DNAJB7: variants seen among roughly 807,000 people sequenced by gnomAD.
DNAJB7 encodes the protein dnaJ homolog subfamily B member 7.
Under a neutral mutation model 1.2 loss-of-function variants are expected in DNAJB7, and 1 was observed. The ratio of observed to expected loss-of-function variants is 0.84; its 90% CI spans 0.30 to 4.01. DNAJB7 has a LOEUF of 4.01. Among genes scored for constraint, DNAJB7 ranks in the 30% most tolerant of loss-of-function variants. The pLI, the probability that DNAJB7 is intolerant of heterozygous loss-of-function variation, is 0.18. For synonymous variants in DNAJB7, 128 were observed against 127.7 expected (o/e 1.00, Z -0.01); for missense variants, 420 against 358.5 (o/e 1.17, Z -1.39).
the DNAJB7 span, chr22:40,861,110 CT>C: frequency 5.0e-6 from 8 of 1,610,518 alleles, no homozygotes; most frequent in Admixed American, 1.7e-5. Context: ...CTTTACGCTT[CT>C]TTTTTTTCCT....
rs1183119154 is a variant in DNAJB7 at position 40,860,524 on chromosome 22, T to G, written c.*541A>C. The G allele has an allele frequency of 2.9e-6, 2 of 685,304 alleles. No homozygotes were observed. The highest frequency in any genetic ancestry group is 4.3e-6 in the Non-Finnish European group (2 of 468,872). 42.5% of individuals were successfully genotyped at this position (685,304 alleles called of 1,614,324 possible). A position where few individuals can be genotyped will look rare whatever the true frequency, so the allele number is the denominator to read the frequency against. On this transcript the variant is annotated 3_prime_UTR_variant, in exon 1 of 1. Coordinates refer to ENST00000307221, the MANE Select transcript of DNAJB7 (RefSeq NM_145174.2). ...GTCTGAACCTGTGTGTCTTGATACA[T>G]TCTTGTCTTCTAATGCTATGCATGT...
chr22:40,862,056 A>T lies in DNAJB7; in HGVS notation c.-62T>A, dbSNP rs2057953281. The T allele has an allele frequency of 3.5e-5, 53 of 1,529,328 alleles. 1 individual carries two copies. In the South Asian group the frequency reaches 6.8e-4, roughly 20 times the overall value. The allele number at this position is 1,529,328 out of a possible 1,614,324, so 94.7% of individuals were successfully genotyped here. On this transcript the variant is annotated 5_prime_UTR_variant, in exon 1 of 1. Transcript: ENST00000307221. ...TTGAGAACCGTGGTTTCCTCAGCTC[A>T]GGCTCTGCTGGTGGTGGTGATAGAG...
In DNAJB7 at chr22:40,860,030, T is replaced by C. The variant is rs971987099; in HGVS notation, c.*1035A>G. 1.3e-5 allele frequency: 2 copies of C among 152,184 alleles called. No homozygotes were observed. Among genetic ancestry groups the C allele is most frequent in the Non-Finnish European group, 2.9e-5 (2 of 68,028 alleles). 9.4% of individuals were successfully genotyped at this position (152,184 alleles called of 1,614,324 possible). On this transcript the variant is annotated 3_prime_UTR_variant, in exon 1 of 1. Transcript: ENST00000307221. The stretch of plus-strand genomic sequence containing the variant: ...AGACTGGCCTTTAAAAAAAATGTGG[T>C]AAAATATACTACATAAAATTTACCA...
Position 40,861,847 on chromosome 22 carries a change from C to G in DNAJB7, c.148G>C (p.Ala50Pro). 1 of 1,613,900 alleles carries G rather than the reference C, an allele frequency of 6.2e-7. No homozygotes were observed. The highest frequency in any genetic ancestry group is 8.5e-7 in the Non-Finnish European group (1 of 1,180,012). Reference protein sequence around the residue: ...EEAERKFKEVAEAYEVLSNDE... With the variant: ...EEAERKFKEVPEAYEVLSNDE... ...TTTGATAATACCTCGTATGCCTCAG[C>G]TACTTCTTTGAATTTTCTCTCTGCT... is the stretch of plus-strand genomic sequence containing the variant. The change falls in exon 1 of 1, where the codon GCT becomes CCT. Residue 50 changes from alanine to proline, a missense_variant. Physicochemically the swap from Ala to Pro is conservative, Grantham distance 27 (BLOSUM62 -1). Transcript: ENST00000307221.
chr22:40,860,843 A>T lies in DNAJB7; in HGVS notation c.*222T>A. 3.1e-6 allele frequency: 2 copies of T among 642,780 alleles called. No homozygotes were observed. The highest frequency in any genetic ancestry group is 3.3e-5 in the Admixed American group (1 of 30,108). The allele number at this position is 642,780 out of a possible 1,614,324, so 39.8% of individuals were successfully genotyped here. ...TTTTTAAATTTTTTGTAGAGAAAAG[A>T]TCTCACTATACTGCCCAGGCAAATT... On this transcript the variant is annotated 3_prime_UTR_variant, in exon 1 of 1. Coordinates refer to ENST00000307221, the MANE Select transcript of DNAJB7 (RefSeq NM_145174.2).
In DNAJB7 at chr22:40,862,075, G is replaced by T. The variant is rs1476882089; in HGVS notation, c.-81C>A. ...CAGCTCAGGCTCTGCTGGTGGTGGT[G>T]ATAGAGGTAGTGACTGCAAATAGGT... On this transcript the variant is annotated 5_prime_UTR_variant, in exon 1 of 1. Transcript: ENST00000307221. 2.0e-6 allele frequency: 3 copies of T among 1,521,198 alleles called. No homozygotes were observed. In the East Asian group the frequency reaches 6.8e-5, roughly 34 times the overall value. The allele number at this position is 1,521,198 out of a possible 1,614,324, so 94.2% of individuals were successfully genotyped here. A position where few individuals can be genotyped will look rare whatever the true frequency, so the allele number is the denominator to read the frequency against.
rs1409335117 is a variant in DNAJB7 at position 40,862,061 on chromosome 22, C to G, written c.-67G>C. 6.6e-7 allele frequency: 1 copy of G among 1,526,352 alleles called. No homozygotes were observed. The highest frequency in any genetic ancestry group is 8.7e-7 in the Non-Finnish European group (1 of 1,144,680). 94.6% of individuals were successfully genotyped at this position (1,526,352 alleles called of 1,614,324 possible). ...AACCGTGGTTTCCTCAGCTCAGGCT[C>G]TGCTGGTGGTGGTGATAGAGGTAGT... is the stretch of plus-strand genomic sequence containing the variant. On this transcript the variant is annotated 5_prime_UTR_variant, in exon 1 of 1. Transcript: ENST00000307221.
rs1032901659 is a variant in DNAJB7 at position 40,859,677 on chromosome 22, G to A, written c.*1388C>T. 26 of 151,990 alleles carry A rather than the reference G, an allele frequency of 1.7e-4. No homozygotes were observed. The highest frequency in any genetic ancestry group is 6.3e-4 in the African/African-American group (26 of 41,364). The allele number at this position is 151,990 out of a possible 1,614,324, so 9.4% of individuals were successfully genotyped here. ...ATCTGCCCACTAAAAATCAAATACC[G>A]ATACAAAACACAAGCTCTTGACTAT... On this transcript the variant is annotated 3_prime_UTR_variant, in exon 1 of 1. Transcript: ENST00000307221.
Position 40,860,613 on chromosome 22 carries a change from G to C in DNAJB7, c.*452C>G. 2 of 1,265,506 alleles carry C rather than the reference G, an allele frequency of 1.6e-6. No individual in the cohort carries two copies. The highest frequency in any genetic ancestry group is 2.1e-6 in the Non-Finnish European group (2 of 948,866). 78.4% of individuals were successfully genotyped at this position (1,265,506 alleles called of 1,614,324 possible). On this transcript the variant is annotated 3_prime_UTR_variant, in exon 1 of 1. Transcript: ENST00000307221. The stretch of plus-strand genomic sequence containing the variant: ...AAAATAGGCTATAAACTCTACTAAA[G>C]AAAAATTCAAAAGTAAAAAACTCAT...
In DNAJB7 at chr22:40,860,772, T is replaced by A; in HGVS notation, c.*293A>T. The A allele has an allele frequency of 4.2e-6, 3 of 706,646 alleles. No homozygotes were observed. The highest frequency in any genetic ancestry group is 6.8e-6 in the Non-Finnish European group (3 of 440,324). 43.8% of individuals were successfully genotyped at this position (706,646 alleles called of 1,614,324 possible). ...GGCTCAAGCAGTCTTTCTACCAGCT[T>A]CCCGAGTAGCTGGGACTACAGGTGC... On this transcript the variant is annotated 3_prime_UTR_variant, in exon 1 of 1. Transcript: ENST00000307221.
Position 40,860,708 on chromosome 22 carries a change from A to G in DNAJB7, c.*357T>C, listed in dbSNP as rs115161413. The G allele has an allele frequency of 1.1e-3, 1,115 of 1,042,602 alleles. 5 individuals carry two copies. The African/African-American group carries it at 0.015, about 14-fold the overall frequency. The allele number at this position is 1,042,602 out of a possible 1,614,324, so 64.6% of individuals were successfully genotyped here. On this transcript the variant is annotated 3_prime_UTR_variant, in exon 1 of 1. Coordinates refer to ENST00000307221, the MANE Select transcript of DNAJB7 (RefSeq NM_145174.2). Reference sequence around the variant, plus strand: ...TACTTTGTCACCCAAGCTGGAGTGCAGTGGCGTGATCCCATTACACTGCAA... The same window carrying G: ...TACTTTGTCACCCAAGCTGGAGTGCGGTGGCGTGATCCCATTACACTGCAA...
chr22:40,861,046 A>T lies in DNAJB7; in HGVS notation c.*19T>A. On this transcript the variant is annotated 3_prime_UTR_variant, in exon 1 of 1. Transcript: ENST00000307221. ...ACACACACAATTGTGTTCAAATGTT[A>T]TATATTTGAAGAGTCAATTTAACAA... is the stretch of plus-strand genomic sequence containing the variant. The T allele has an allele frequency of 1.3e-6, 2 of 1,553,538 alleles. No individual in the cohort carries two copies. The highest frequency in any genetic ancestry group is 1.7e-6 in the Non-Finnish European group (2 of 1,152,402).
In DNAJB7 at chr22:40,861,494, G is replaced by A; in HGVS notation, c.501C>T (p.Gly167=). 1.2e-6 allele frequency: 2 copies of A among 1,614,090 alleles called. No homozygotes were observed. Among genetic ancestry groups the A allele is most frequent in the South Asian group, 1.1e-5 (1 of 91,084 alleles). ...YTSQGSLGHE[G]LTSFSSLAFD... ...AAGCCAGGGAAGAGAAAGAAGTAAG[G>A]CCTTCATGCCCCAATGAACCCTGTG... Residue 167 remains glycine (G), a synonymous_variant, in exon 1 of 1, where the codon GGC becomes GGT. Coordinates refer to ENST00000307221, the MANE Select transcript of DNAJB7 (RefSeq NM_145174.2).
chr22:40,861,474 A>G lies in DNAJB7; in HGVS notation c.521T>C (p.Leu174Pro). 6.2e-7 allele frequency: 1 copy of G among 1,614,210 alleles called. No individual in the cohort carries two copies. Among genetic ancestry groups the G allele is most frequent in the Non-Finnish European group, 8.5e-7 (1 of 1,180,028 alleles). ...GHEGLTSFSS[L>P]AFDNSGMDNY... The stretch of plus-strand genomic sequence containing the variant: ...GTCCATCCCACTATTATCAAAAGCC[A>G]GGGAAGAGAAAGAAGTAAGGCCTTC... The change falls in exon 1 of 1, where the codon CTG becomes CCG. Residue 174 changes from leucine to proline, a missense_variant. By Grantham distance (98) the Leu-to-Pro change is moderately conservative. Transcript: ENST00000307221.
rs1199165088 is a variant in DNAJB7, at chr22:40,862,109, A to G, written c.-115T>C. 11 of 1,498,720 alleles carry G rather than the reference A, an allele frequency of 7.3e-6. No homozygotes were observed. In the African/African-American group the frequency reaches 1.5e-4, roughly 21 times the overall value. The allele number at this position is 1,498,720 out of a possible 1,614,324, so 92.8% of individuals were successfully genotyped here. A position where few individuals can be genotyped will look rare whatever the true frequency, so the allele number is the denominator to read the frequency against. ...AGTGACTGCAAATAGGTACACTTTT[A>G]TGTTAAAGACAATGTTATTACCATG... On this transcript the variant is annotated 5_prime_UTR_variant, in exon 1 of 1. Transcript: ENST00000307221.
chr22:40,860,466 T>C lies in DNAJB7; in HGVS notation c.*599A>G. 1 of 400,800 alleles carries C rather than the reference T, an allele frequency of 2.5e-6. No individual in the cohort carries two copies. The highest frequency in any genetic ancestry group is 4.3e-6 in the Non-Finnish European group (1 of 232,678). The allele number at this position is 400,800 out of a possible 1,614,324, so 24.8% of individuals were successfully genotyped here. On this transcript the variant is annotated 3_prime_UTR_variant, in exon 1 of 1. Transcript: ENST00000307221. ...TAATGCATCAAATGCTGTTCCTCCA[T>C]TGGAAAACAGCCATTTCATGAATAA...
At chr22:40,861,514 CCT>C in the DNAJB7 span, 104 of 1,614,074 alleles carry the variant, frequency 6.4e-5, 1 homozygote, top group African/African-American at 1.2e-3. Context: ...CCCAATGAAC[CCT>C]GTGATGTATA....
rs112058522 is a variant in DNAJB7, at chr22:40,861,582, A to G, written c.413T>C (p.Phe138Ser). Residue 138 changes from phenylalanine to serine, a missense_variant, in exon 1 of 1, where the codon TTC becomes TCC. By Grantham distance (155) the Phe-to-Ser change is radical (BLOSUM62 -2). Transcript: ENST00000307221. ...GNRNRDAGYFFSTASEYPIFE... is the reference protein window; with the variant it reads ...GNRNRDAGYFSSTASEYPIFE... ...AATTGGATATTCACTGGCAGTGGAG[A>G]AAAAGTATCCTGCATCTCTGTTTCT... The G allele has an allele frequency of 2.5e-6, 4 of 1,613,262 alleles. No homozygotes were observed. Among genetic ancestry groups the G allele is most frequent in the African/African-American group, 2.7e-5 (2 of 74,970 alleles).
At position 40,861,044 on chromosome 22, in the gene DNAJB7, T is replaced by C; in HGVS notation, c.*21A>G. Reference sequence around the variant, plus strand: ...AAACACACACAATTGTGTTCAAATGTTATATATTTGAAGAGTCAATTTAAC... The same window carrying C: ...AAACACACACAATTGTGTTCAAATGCTATATATTTGAAGAGTCAATTTAAC... On this transcript the variant is annotated 3_prime_UTR_variant, in exon 1 of 1. Coordinates refer to ENST00000307221, the MANE Select transcript of DNAJB7 (RefSeq NM_145174.2). 1.3e-6 allele frequency: 2 copies of C among 1,555,630 alleles called. No individual in the cohort carries two copies. The highest frequency in any genetic ancestry group is 1.7e-6 in the Non-Finnish European group (2 of 1,154,936).
Sources: gnomAD v4.1 joint callset for allele counts on GRCh38, gnomAD v4.1.1 for gene constraint, MANE v1.5 for transcripts, NCBI Gene and HGNC (gene_info 2026-07-23, HGNC 2026-07-21) for gene names.